The following HOOK3 variants were observed in gnomAD, a reference collection of about 807,000 sequenced individuals.
HOOK3 encodes the protein hook microtubule tethering protein 3.
HOOK3 carries 24 observed loss-of-function variants against 116.3 expected under a neutral mutation model. The observed-to-expected ratio is 0.21, with a 90% CI of 0.15 to 0.29. The LOEUF is 0.29. Among genes scored for constraint, HOOK3 ranks in the 10% least tolerant of loss-of-function variants. HOOK3 has a pLI of 1.00. For synonymous variants in HOOK3, 275 were observed against 283.0 expected, an observed-to-expected ratio of 0.97 and a Z score of 0.28; for missense variants, 632 against 830.2, an observed-to-expected ratio of 0.76 and a Z score of 2.93.
chr8:42,935,349 ACT>A (rs1413214311), intron 4 of HOOK3, among the ~76,000 whole-genome samples: 2 of 151,316 alleles, frequency 1.3e-5, no homozygotes, highest in African/African-American at 4.9e-5. Context: ...TTGCCTTTTC[ACT>A]CTGAGGATAG....
At chr8:42,903,833 G>A (rs942620389) in intron 1 of HOOK3, among the ~76,000 whole-genome samples, 2 of 151,764 alleles carry the variant, frequency 1.3e-5, no homozygotes, top group Non-Finnish European at 2.9e-5. Flanking sequence ...GCGGGCGCCT[G>A]TATTCCCAGC....
At chr8:42,919,420 C>T (rs1240429709) in intron 2 of HOOK3, among the ~76,000 whole-genome samples, 5 of 141,172 alleles carry the variant, frequency 3.5e-5, no homozygotes, top group African/African-American at 8.1e-5. Flanking sequence ...ACATCCCAGA[C>T]GATGGGCGGC....
Position 43,019,984 on chromosome 8 carries a change from G to A in HOOK3, c.*1486G>A, listed in dbSNP as rs916345006. 6 of 196,542 alleles carry A rather than the reference G, an allele frequency of 3.1e-5. No homozygotes were observed. Among genetic ancestry groups the A allele is most frequent in the African/African-American group, 6.9e-5 (3 of 43,318 alleles). The allele number at this position is 196,542 out of a possible 1,614,324, so 12.2% of individuals were successfully genotyped here. ...TCATTTGGTTCTTTATGTTAAATAC[G>A]AATAAGTAACCTCAAATCAAGCTAA... is the stretch of plus-strand genomic sequence containing the variant. On this transcript the variant is annotated 3_prime_UTR_variant, in exon 22 of 22. Transcript: ENST00000307602.
At chr8:42,959,130 A>T in intron 7 of HOOK3, 101 bp from the exon 8 acceptor site, 1 of 730,570 alleles carries the variant, frequency 1.4e-6, no homozygotes, top group Non-Finnish European at 2.3e-6. Flanking sequence ...TTCCCTCTTC[A>T]GGAAAGACAG....
intron 2 of HOOK3, 127 bp from the exon 3 acceptor site, chr8:42,925,430 G>T (rs148143211): frequency 3.2e-6 from 2 of 622,530 alleles, no homozygotes; most frequent in African/African-American, 1.9e-5. Context: ...AAGTTATTTC[G>T]TGGCTGATAT....
chr8:42,949,833 C>A (rs973164088), intron 5 of HOOK3, among the ~76,000 whole-genome samples: 1 of 151,240 alleles, frequency 6.6e-6, no homozygotes, highest in Admixed American at 6.6e-5. Context: ...AGGAGAGTGG[C>A]GTGAACCTGG....
chr8:42,986,768 G>A lies in HOOK3; in HGVS notation c.1505G>A (p.Arg502His), dbSNP rs749489983. ...AGCCTTCTAGATGATGCAAATCTAC[G>A]CAAGAATGAACTGGAGACAGAGAAT... ...LQSLLDDANL[R>H]KNELETENRL... The change falls in exon 15 of 22, where the codon CGC (arginine) becomes CAC (histidine). Residue 502 changes from arginine (R) to histidine (H), a missense_variant. This residue lies in a region of HOOK3 where 483 missense variants were observed against 648.1 expected (regional missense o/e 0.75). Coordinates refer to ENST00000307602, the MANE Select transcript of HOOK3 (RefSeq NM_032410.4). The A allele has an allele frequency of 4.6e-5, 74 of 1,613,492 alleles. No homozygotes were observed. Among genetic ancestry groups the A allele is most frequent in the Non-Finnish European group, 5.8e-5 (69 of 1,179,812 alleles).
At chr8:42,929,593 C>T (rs112652182) in intron 3 of HOOK3, among the ~76,000 whole-genome samples, 7,199 of 152,202 alleles carry the variant, frequency 0.047, 343 homozygotes, top group African/African-American at 0.12. Flanking sequence ...CTCATAAATA[C>T]TTACTTTGAT....
At chr8:42,941,685 A>T (rs1808130443) in intron 4 of HOOK3, among the ~76,000 whole-genome samples, 1 of 152,070 alleles carries the variant, frequency 6.6e-6, no homozygotes, top group Admixed American at 6.6e-5. Context: ...CTTATTATTT[A>T]GAATAAAACT....
rs1398308976 is a variant in HOOK3, at chr8:42,981,052, A to AT, written c.1322-1575_1322-1574insT. On this transcript the variant is annotated intron_variant, in intron 13 of 21. Coordinates refer to ENST00000307602, the MANE Select transcript of HOOK3 (RefSeq NM_032410.4). ...CTCTGCCTCTAGAATTGTAAATAAT[A>AT]ATTTTTTTTTTTTTTTTGAGATGAG... Among the ~76,000 whole-genome samples, 8 of 144,726 alleles carry AT rather than the reference A, an allele frequency of 5.5e-5. No homozygotes were observed. The East Asian group carries it at 1.0e-3, about 19-fold the overall frequency. The allele number at this position is 144,726 out of a possible 152,430, so 94.9% of individuals were successfully genotyped here. A position where few individuals can be genotyped will look rare whatever the true frequency, so the allele number is the denominator to read the frequency against.
At chr8:42,996,322 G>A (rs1229272164) in intron 15 of HOOK3, among the ~76,000 whole-genome samples, 1 of 150,146 alleles carries the variant, frequency 6.7e-6, no homozygotes, top group Non-Finnish European at 1.5e-5. Context: ...GGAGGCGGAG[G>A]TTGCAGTGAG....
At chr8:42,904,716 T>C (rs1243042944) in intron 1 of HOOK3, among the ~76,000 whole-genome samples, 1 of 152,214 alleles carries the variant, frequency 6.6e-6, no homozygotes. Flanking sequence ...TCTAAGGTTT[T>C]ACATGTTAAT....
At chr8:43,005,026 C>T (rs930390716) in intron 17 of HOOK3, among the ~76,000 whole-genome samples, 1 of 151,808 alleles carries the variant, frequency 6.6e-6, no homozygotes, top group Non-Finnish European at 1.5e-5. Flanking sequence ...TATATTCAAA[C>T]AATAGAATAC....
intron 8 of HOOK3, among the ~76,000 whole-genome samples, chr8:42,961,267 T>C (rs953027500): frequency 3.9e-5 from 6 of 152,248 alleles, no homozygotes; most frequent in Non-Finnish European, 8.8e-5. Context: ...TAGCACTTTA[T>C]ATTCTGGTTT....
chr8:42,920,672 G>T (rs1034527279), intron 2 of HOOK3, among the ~76,000 whole-genome samples: 15 of 152,206 alleles, frequency 9.9e-5, no homozygotes, highest in African/African-American at 3.6e-4. Context: ...TTAGTGTTTT[G>T]CTAGAACTGG....
intron 7 of HOOK3, among the ~76,000 whole-genome samples, chr8:42,957,703 C>T (rs1191567300): frequency 6.6e-6 from 1 of 152,052 alleles, no homozygotes; most frequent in Non-Finnish European, 1.5e-5. Context: ...GATCCCACCC[C>T]TCATTTCTGT....
intron 3 of HOOK3, among the ~76,000 whole-genome samples, chr8:42,927,245 GTT>G (rs1283654855): frequency 1.7e-5 from 2 of 119,324 alleles, no homozygotes; most frequent in Non-Finnish European, 1.7e-5. Context: ...AATGGCACTG[GTT>G]TTTTTTTTTT....
intron 6 of HOOK3, among the ~76,000 whole-genome samples, chr8:42,951,540 T>C (rs893826096): frequency 3.9e-5 from 6 of 152,174 alleles, no homozygotes; most frequent in African/African-American, 1.4e-4. Flanking sequence ...TAATAGCTGG[T>C]CAAGTTCAGG....
chr8:43,019,490 C>A lies in HOOK3; in HGVS notation c.*992C>A, dbSNP rs1809784538. 4.8e-6 allele frequency: 1 copy of A among 206,308 alleles called. No homozygotes were observed. Among genetic ancestry groups the A allele is most frequent in the South Asian group, 1.9e-4 (1 of 5,306 alleles). The allele number at this position is 206,308 out of a possible 1,614,324, so 12.8% of individuals were successfully genotyped here. On this transcript the variant is annotated 3_prime_UTR_variant, in exon 22 of 22. Transcript: ENST00000307602. ...TTTAACAATTCCTAACACTTGATAT[C>A]TTAATATCAGTCACTAACATTAGTA...
Sources: gnomAD v4.1 joint callset for allele counts (sites outside exome capture counted in the v4.1 genomes callset) on GRCh38, gnomAD v4.1.1 for gene constraint, gnomAD v4.1.1 regional missense constraint, MANE v1.5 for transcripts, NCBI Gene and HGNC (gene_info 2026-07-23, HGNC 2026-07-21) for gene names.